Variants in USP34 observed in about 807,000 individuals in gnomAD.
USP34 encodes the protein ubiquitin carboxyl-terminal hydrolase 34.
A neutral mutation model predicts 460.3 loss-of-function variants in USP34; 70 were observed. The ratio of observed to expected loss-of-function variants is 0.15; its 90% CI spans 0.13 to 0.19. The LOEUF (loss-of-function observed/expected upper bound fraction) is 0.19, where lower values mean the gene tolerates loss of function less well. Ranked by LOEUF, USP34 falls within the 10% of genes least tolerant of loss-of-function variation. The pLI is 1.00. For missense variants in USP34, 3,985 were observed against 4,236.2 expected (o/e 0.94, Z 1.65); for synonymous variants, 1,647 against 1,405.3 (o/e 1.17, Z -3.85).
At chr2:61,213,004 ACT>A (rs957966695) in intron 68 of USP34, among the ~76,000 whole-genome samples, 2 of 151,946 alleles carry the variant, frequency 1.3e-5, no homozygotes, top group Non-Finnish European at 2.9e-5. Context: ...TTGTACACTC[ACT>A]CTCTTTCCTG....
chr2:61,229,128 GTTATTGTGA>G, intron 59 of USP34, 133 bp from the exon 60 acceptor site: 1 of 629,192 alleles, frequency 1.6e-6, no homozygotes, highest in South Asian at 4.9e-5. Flanking sequence ...AACTTAAGTA[GTTATTGTGA>G]CTGGCTAAAT....
In USP34 at chr2:61,438,089, G is replaced by C. The variant is rs114474608; in HGVS notation, c.44-17256C>G. Among the ~76,000 whole-genome samples the C allele has an allele frequency of 8.4e-3, 1,271 of 151,836 alleles. 16 individuals carry two copies. Among genetic ancestry groups the C allele is most frequent in the African/African-American group, 0.028 (1,153 of 41,444 alleles). ...CATGCCAGTGTCCTTGATAAACATA[G>C]ACACAAAAATTCTGAACAGAATTCT... On this transcript the variant is annotated intron_variant, in intron 1 of 79. Coordinates refer to ENST00000398571, the MANE Select transcript of USP34 (RefSeq NM_014709.4).
chr2:61,330,818 T>C (rs781400045), intron 20 of USP34, among the ~76,000 whole-genome samples: 3 of 152,178 alleles, frequency 2.0e-5, no homozygotes, highest in Non-Finnish European at 4.4e-5. Flanking sequence ...ATTAATGATA[T>C]ACCACCAGTT....
At chr2:61,335,631 C>G (rs191364924) in intron 18 of USP34, among the ~76,000 whole-genome samples, 1 of 152,102 alleles carries the variant, frequency 6.6e-6, no homozygotes, top group South Asian at 2.1e-4. Context: ...TGCCTGTAGT[C>G]CCACCTCCTC....
At chr2:61,274,462 C>T (rs751300595) in intron 41 of USP34, among the ~76,000 whole-genome samples, 5 of 149,188 alleles carry the variant, frequency 3.4e-5, no homozygotes, top group Non-Finnish European at 7.4e-5. Flanking sequence ...AAAAAACTTG[C>T]AATTCATATT....
intron 10 of USP34, among the ~76,000 whole-genome samples, chr2:61,361,789 GCAACATAAGCCAAAATATA>G (rs981096625): frequency 6.6e-6 from 1 of 152,044 alleles, no homozygotes; most frequent in African/African-American, 2.4e-5. Context: ...ATTAGCATAG[GCAACATAAGCCAAAATATA>G]CAATTGAGAT....
chr2:61,215,430 T>C (rs1687368795), intron 67 of USP34, among the ~76,000 whole-genome samples: 1 of 152,262 alleles, frequency 6.6e-6, no homozygotes, highest in African/African-American at 2.4e-5. Context: ...AGAAGTCTTT[T>C]AAGGCTAAAC....
intron 48 of USP34, among the ~76,000 whole-genome samples, chr2:61,250,876 C>T (rs1015037460): frequency 3.3e-5 from 5 of 152,282 alleles, no homozygotes; most frequent in Admixed American, 6.5e-5. Flanking sequence ...CGGTGGCTCA[C>T]GCCTGTAATC....
intron 5 of USP34, among the ~76,000 whole-genome samples, chr2:61,393,107 C>T (rs551242441): frequency 6.6e-6 from 1 of 152,080 alleles, no homozygotes; most frequent in Non-Finnish European, 1.5e-5. Context: ...AGATGGATAT[C>T]ATCATCATTC....
intron 1 of USP34, among the ~76,000 whole-genome samples, chr2:61,458,457 A>AGGCT (rs898616168): frequency 2.6e-5 from 4 of 151,080 alleles, no homozygotes; most frequent in African/African-American, 9.7e-5. Context: ...GCTACTCGGG[A>AGGCT]GGCTGAGGCA....
intron 13 of USP34, 38 bp from the exon 14 acceptor site, chr2:61,348,924 A>G (rs902281230): frequency 1.3e-6 from 2 of 1,574,796 alleles, no homozygotes; most frequent in African/African-American, 1.4e-5. Context: ...CTTCTAATTT[A>G]TATTAACATT....
chr2:61,240,041 A>G (rs1371669631), intron 53 of USP34, among the ~76,000 whole-genome samples: 4 of 151,566 alleles, frequency 2.6e-5, no homozygotes, highest in Admixed American at 6.6e-5. Flanking sequence ...CTTGATCCCA[A>G]TATTACAAAA....
rs1227137813 is a variant in USP34, at chr2:61,434,284, C to G, written c.44-13451G>C. ...CTGATGGGCATCCCCCCAGGCCAGC[C>G]AGGCAGCCAAGAGCCCACATCCCAG... On this transcript the variant is annotated intron_variant, in intron 1 of 79. Transcript: ENST00000398571. 4.6e-5 allele frequency among the ~76,000 whole-genome samples: 7 copies of G among 152,116 alleles called. No individual in the cohort carries two copies. In the East Asian group the frequency reaches 1.4e-3, roughly 30 times the overall value.
At chr2:61,416,373 A>G (rs1284840672) in intron 2 of USP34, among the ~76,000 whole-genome samples, 1 of 152,248 alleles carries the variant, frequency 6.6e-6, no homozygotes, top group Non-Finnish European at 1.5e-5. Flanking sequence ...TACTACTTTT[A>G]GCCTGGAAAC....
chr2:61,446,744 C>G (rs1369044292), intron 1 of USP34, among the ~76,000 whole-genome samples: 2 of 149,758 alleles, frequency 1.3e-5, no homozygotes, highest in Admixed American at 1.3e-4. Context: ...TGCAATGAGC[C>G]GAGATCGTGC....
At chr2:61,286,817 C>G (rs922878774) in intron 34 of USP34, among the ~76,000 whole-genome samples, 4 of 151,982 alleles carry the variant, frequency 2.6e-5, no homozygotes, top group African/African-American at 9.7e-5. Flanking sequence ...AAACACAAAC[C>G]AATAACCTAT....
intron 2 of USP34, among the ~76,000 whole-genome samples, chr2:61,408,343 C>A (rs962254452): frequency 6.6e-6 from 1 of 152,060 alleles, no homozygotes; most frequent in Admixed American, 6.6e-5. Context: ...ATGTTTACTG[C>A]TGTTTTAAGA....
rs777566350 is a variant in USP34 at position 61,383,283 on chromosome 2, C to T, written c.807G>A (p.Arg269=). ...TATAAACTTACCTAATAACATAGGT[C>T]CTAAAAGGTATAATGTGCTGCATGA... is the stretch of plus-strand genomic sequence containing the variant. ...PAVMQHIIPF[R]TYVIRYLCKL... Residue 269 remains arginine (R), a synonymous_variant, in exon 6 of 80, where the codon AGG becomes AGA. Transcript: ENST00000398571. 6.2e-6 allele frequency: 10 copies of T among 1,601,972 alleles called. No individual in the cohort carries two copies. In the East Asian group the frequency reaches 1.8e-4, roughly 29 times the overall value.
intron 20 of USP34, among the ~76,000 whole-genome samples, chr2:61,330,866 G>A (rs928376999): frequency 3.9e-5 from 6 of 151,954 alleles, no homozygotes; most frequent in Non-Finnish European, 2.9e-5. Context: ...TCTAATACTA[G>A]TATGCAATTA....
Sources: gnomAD v4.1 joint callset for allele counts (sites outside exome capture counted in the v4.1 genomes callset) on GRCh38, gnomAD v4.1.1 for gene constraint, MANE v1.5 for transcripts, NCBI Gene and HGNC (gene_info 2026-07-23, HGNC 2026-07-21) for gene names.